SLC22A5: variants seen among roughly 807,000 people sequenced by gnomAD.
The protein encoded by SLC22A5 is solute carrier family 22 member 5, also known as organic cation/carnitine transporter 2.
In SLC22A5, 44 loss-of-function variants were observed where a neutral mutation model predicts 56.7. The ratio of observed to expected loss-of-function variants is 0.78; its 90% CI spans 0.61 to 1.00. The LOEUF (loss-of-function observed/expected upper bound fraction) is 1.00. Among genes scored for constraint, SLC22A5 ranks in the 50% least tolerant of loss-of-function variants. SLC22A5 has a pLI of 0.00. For synonymous variants in SLC22A5, 278 were observed against 292.1 expected, an observed-to-expected ratio of 0.95 and a Z score of 0.49; for missense variants, 675 against 723.0, an observed-to-expected ratio of 0.93 and a Z score of 0.76.
At position 132,370,220 on chromosome 5, in the gene SLC22A5, G is replaced by A; in HGVS notation, c.248G>A (p.Arg83His). 1 of 1,586,198 alleles carries A rather than the reference G, an allele frequency of 6.3e-7. No individual in the cohort carries two copies. The highest frequency in any genetic ancestry group is 8.6e-7 in the Non-Finnish European group (1 of 1,166,752). ...DGREVPHSCR[R>H]YRLATIANFS... ...CGCGAGGTGCCCCACAGCTGCCGCC[G>A]CTACCGGCTCGCCACCATCGCCAAC... is the stretch of plus-strand genomic sequence containing the variant. Residue 83 changes from arginine (R) to histidine (H), a missense_variant, in exon 1 of 10, where the codon CGC (arginine) becomes CAC (histidine). By Grantham distance (29) the Arg-to-His change is conservative. Coordinates refer to ENST00000245407, the MANE Select transcript of SLC22A5 (RefSeq NM_003060.4).
At chr5:132,370,951 G>GTTTTTTTT (rs757040799) in intron 1 of SLC22A5, among the ~76,000 whole-genome samples, 1 of 101,126 alleles carries the variant, frequency 9.9e-6, no homozygotes. Context: ...TCAGTTGTCA[G>GTTTTTTTT]TCTTTTTTTT....
Position 132,392,633 on chromosome 5 carries a change from A to G in SLC22A5, c.1450+18A>G, listed in dbSNP as rs11568516. The G allele has an allele frequency of 1.9e-5, 31 of 1,609,726 alleles. No individual in the cohort carries two copies. In the East Asian group the frequency reaches 5.6e-4, roughly 29 times the overall value. On this transcript the variant is annotated intron_variant, in intron 8 of 9. Transcript: ENST00000245407. ...TTACCTTGGTAAGTCCCATGAGCCAAGGGCACACTAGAGCAACGGGATGGA... is the reference window on the plus strand; with the variant it reads ...TTACCTTGGTAAGTCCCATGAGCCAGGGGCACACTAGAGCAACGGGATGGA...
Position 132,394,382 on chromosome 5 carries a change from C to G in SLC22A5, c.*110C>G. On this transcript the variant is annotated 3_prime_UTR_variant, in exon 10 of 10. Transcript: ENST00000245407. ...TGACAAAAGGCCTTTGCTGTTTGTC[C>G]TCTTGACCTGTGTCTGACTTGCTCC... 1 of 859,956 alleles carries G rather than the reference C, an allele frequency of 1.2e-6. No homozygotes were observed. The highest frequency in any genetic ancestry group is 2.0e-6 in the Non-Finnish European group (1 of 494,438). 53.3% of individuals were successfully genotyped at this position (859,956 alleles called of 1,614,324 possible).
rs1752226479 is a variant in SLC22A5 at position 132,378,428 on chromosome 5, G to C, written c.444G>C (p.Leu148Phe). ...GGAAGGCCCCACTCACAATCTCCTTGTTCTTCGTGGGTGTGCTGTTGGGCT... is the reference window on the plus strand; with the variant it reads ...GGAAGGCCCCACTCACAATCTCCTTCTTCTTCGTGGGTGTGCTGTTGGGCT... ...DDWKAPLTIS[L>F]FFVGVLLGSF... Residue 148 changes from leucine to phenylalanine, a missense_variant, in exon 2 of 10, where the codon TTG (leucine) becomes TTC (phenylalanine). Coordinates refer to ENST00000245407, the MANE Select transcript of SLC22A5 (RefSeq NM_003060.4). 6.2e-7 allele frequency: 1 copy of C among 1,614,234 alleles called. No individual in the cohort carries two copies. The highest frequency in any genetic ancestry group is 8.5e-7 in the Non-Finnish European group (1 of 1,180,042).
At chr5:132,388,194 A>G (rs1481855767) in intron 5 of SLC22A5, among the ~76,000 whole-genome samples, 1 of 152,200 alleles carries the variant, frequency 6.6e-6, no homozygotes, top group African/African-American at 2.4e-5. Context: ...TGAGGGGTCA[A>G]TCTGGGTGAA....
chr5:132,386,632 T>C (rs1388278854), intron 4 of SLC22A5, among the ~76,000 whole-genome samples: 1 of 152,126 alleles, frequency 6.6e-6, no homozygotes, highest in African/African-American at 2.4e-5. Context: ...GAAGCTTCTG[T>C]TGGTGCCGGG....
rs563142575 is a variant in SLC22A5, at chr5:132,393,772, C to T, written c.1547C>T (p.Pro516Leu). The change falls in exon 9 of 10, where the codon CCA becomes CTA. Residue 516 changes from proline to leucine, a missense_variant. Physicochemically the swap from Pro to Leu is moderately conservative, Grantham distance 98. Coordinates refer to ENST00000245407, the MANE Select transcript of SLC22A5 (RefSeq NM_003060.4). ...TTTCTCCCAGAGAGCTTCGGTACCC[C>T]ACTCCCAGACACCATTGACCAGATG... ...TLFLPESFGT[P>L]LPDTIDQMLR... 1 of 1,614,180 alleles carries T rather than the reference C, an allele frequency of 6.2e-7. No homozygotes were observed. The highest frequency in any genetic ancestry group is 8.5e-7 in the Non-Finnish European group (1 of 1,180,028).
chr5:132,372,501 A>C (rs1201695665), intron 1 of SLC22A5, among the ~76,000 whole-genome samples: 4 of 152,178 alleles, frequency 2.6e-5, no homozygotes, highest in African/African-American at 9.7e-5. Context: ...GGGCTGAGTG[A>C]TGGTGGCATT....
chr5:132,373,167 A>G (rs1353841629), intron 1 of SLC22A5, among the ~76,000 whole-genome samples: 1 of 152,228 alleles, frequency 6.6e-6, no homozygotes, highest in Non-Finnish European at 1.5e-5. Flanking sequence ...CTAAAGTTTG[A>G]GAACTAAAGA....
intron 6 of SLC22A5, chr5:132,389,833 A>G (rs1039235679): frequency 3.2e-4 from 49 of 154,334 alleles, no homozygotes; most frequent in Admixed American, 2.9e-3. Context: ...GTTGGCCTCA[A>G]GACAGGAGCA....
Position 132,387,268 on chromosome 5 carries a change from C to A in SLC22A5, c.951+117C>A, listed in dbSNP as rs549754306. 9 of 1,229,572 alleles carry A rather than the reference C, an allele frequency of 7.3e-6. No homozygotes were observed. The South Asian group carries it at 9.7e-5, about 13-fold the overall frequency. 76.2% of individuals were successfully genotyped at this position (1,229,572 alleles called of 1,614,324 possible). A position where few individuals can be genotyped will look rare whatever the true frequency, so the allele number is the denominator to read the frequency against. ...AGCCCAGCCCTCTCTCCGCCCAAGC[C>A]CCAACTGCCCATTCCCCCCATCCCC... On this transcript the variant is annotated intron_variant, in intron 5 of 9. Transcript: ENST00000245407.
intron 1 of SLC22A5, among the ~76,000 whole-genome samples, chr5:132,374,114 G>A (rs1752048197): frequency 6.6e-6 from 1 of 152,138 alleles, no homozygotes; most frequent in Admixed American, 6.5e-5. Flanking sequence ...TACTCGGGAG[G>A]GAGGCTGAGG....
At chr5:132,386,005 C>T (rs1049161847) in intron 4 of SLC22A5, among the ~76,000 whole-genome samples, 4 of 152,232 alleles carry the variant, frequency 2.6e-5, no homozygotes, top group African/African-American at 9.6e-5. Flanking sequence ...AGGTGGGAAT[C>T]ACCCCTTGCA....
Position 132,393,750 on chromosome 5 carries a change from C to G in SLC22A5, c.1525C>G (p.Leu509Val). 1 of 1,614,192 alleles carries G rather than the reference C, an allele frequency of 6.2e-7. No individual in the cohort carries two copies. The highest frequency in any genetic ancestry group is 8.5e-7 in the Non-Finnish European group (1 of 1,180,030). Reference protein sequence around the residue: ...TILTAILTLFLPESFGTPLPD... With the variant: ...TILTAILTLFVPESFGTPLPD... ...CCTGACAGCCATCCTCACCTTGTTTCTCCCAGAGAGCTTCGGTACCCCACT... is the reference window on the plus strand; with the variant it reads ...CCTGACAGCCATCCTCACCTTGTTTGTCCCAGAGAGCTTCGGTACCCCACT... The change falls in exon 9 of 10, where the codon CTC (leucine) becomes GTC (valine). Residue 509 changes from leucine (L) to valine (V), a missense_variant. Leu to Val is a conservative substitution (Grantham distance 32, BLOSUM62 1). Transcript: ENST00000245407.
chr5:132,378,017 C>G (rs1003033854), intron 1 of SLC22A5: 1 of 1,315,804 alleles, frequency 7.6e-7, no homozygotes, highest in Non-Finnish European at 1.0e-6. Context: ...GGCCTGAACC[C>G]CACTGAGCGA....
At chr5:132,390,186 C>A in intron 6 of SLC22A5, 1 of 211,968 alleles carries the variant, frequency 4.7e-6, no homozygotes, top group Non-Finnish European at 9.6e-6. Flanking sequence ...CTCTGACCAG[C>A]CTCTTCCTGA....
At chr5:132,378,076 A>T in intron 1 of SLC22A5, 1 of 1,532,170 alleles carries the variant, frequency 6.5e-7, no homozygotes, top group Non-Finnish European at 8.8e-7. Context: ...GATTTTTAGG[A>T]GCAAGCGTTA....
Position 132,387,155 on chromosome 5 carries a change from A to G in SLC22A5, c.951+4A>G. ...CACTATCTTTGACCCGAGTGAGGTA[A>G]GCACCATGTGGGTGTGGGTGAGAGG... On this transcript the variant is annotated splice_donor_region_variant and intron_variant, in intron 5 of 9. Coordinates refer to ENST00000245407, the MANE Select transcript of SLC22A5 (RefSeq NM_003060.4). The G allele has an allele frequency of 6.2e-7, 1 of 1,614,158 alleles. No individual in the cohort carries two copies.
In SLC22A5 at chr5:132,393,678, G is replaced by A. The variant is rs145147616; in HGVS notation, c.1453G>A (p.Ala485Thr). ...ILSPYFVYLG[A>T]YDRFLPYILM... is the part of the protein sequence containing the mutation. ...AGGCTCCGTCTGCTTTGCCATAGGT[G>A]CCTACGACCGCTTCCTGCCCTACAT... The change falls in exon 9 of 10, where the codon GCC becomes ACC. Residue 485 changes from alanine to threonine, a missense_variant and splice_region_variant. Ala to Thr is a moderately conservative substitution (Grantham distance 58, BLOSUM62 0). Coordinates refer to ENST00000245407, the MANE Select transcript of SLC22A5 (RefSeq NM_003060.4). The A allele has an allele frequency of 8.7e-6, 14 of 1,614,044 alleles. No homozygotes were observed. In the African/African-American group the frequency reaches 1.1e-4, roughly 12 times the overall value.
Sources: allele counts gnomAD v4.1 joint callset (sites outside exome capture counted in the v4.1 genomes callset), GRCh38; gene constraint gnomAD v4.1.1; transcripts MANE v1.5; gene names NCBI Gene and HGNC (gene_info 2026-07-23, HGNC 2026-07-21).